SLC6A3: variants seen among roughly 807,000 people sequenced by gnomAD.
The protein encoded by SLC6A3 is sodium-dependent dopamine transporter.
SLC6A3 carries 19 observed loss-of-function variants against 70.4 expected under a neutral mutation model. The ratio of observed to expected loss-of-function variants is 0.27; its 90% CI spans 0.19 to 0.40. The LOEUF is 0.40. SLC6A3 is among the 10% of genes least tolerant of loss of function. The pLI is 1.00. For synonymous variants in SLC6A3, 368 were observed against 356.6 expected, an observed-to-expected ratio of 1.03 and a Z score of -0.36; for missense variants, 613 against 838.5, an observed-to-expected ratio of 0.73 and a Z score of 3.32.
chr5:1,426,498 C>G (rs1756579100), intron 4 of SLC6A3, among the ~76,000 whole-genome samples: 1 of 152,130 alleles, frequency 6.6e-6, no homozygotes, highest in African/African-American at 2.4e-5. Flanking sequence ...CGTGATCATA[C>G]CACTGCACAC....
At chr5:1,414,904 G>A in intron 7 of SLC6A3, 89 bp from the exon 8 acceptor site, 3 of 1,565,646 alleles carry the variant, frequency 1.9e-6, no homozygotes, top group Non-Finnish European at 2.6e-6. Context: ...ACTGTGTCTG[G>A]GGAAGGGGGC....
At position 1,394,675 on chromosome 5, in the gene SLC6A3, G is replaced by T; in HGVS notation, c.*60C>A. On this transcript the variant is annotated 3_prime_UTR_variant, in exon 15 of 15. Coordinates refer to ENST00000270349, the MANE Select transcript of SLC6A3 (RefSeq NM_001044.5). The surrounding 1 kb of genome is among the most constrained non-coding windows in gnomAD (Gnocchi z 4.7). ...TTTCTCTCGAAACTTAGATTTCCTT[G>T]GTTTGTTCGTGTCTCTCCCATTGCA... The T allele has an allele frequency of 6.5e-7, 1 of 1,535,480 alleles. No homozygotes were observed. The highest frequency in any genetic ancestry group is 9.0e-7 in the Non-Finnish European group (1 of 1,108,212).
intron 4 of SLC6A3, among the ~76,000 whole-genome samples, chr5:1,424,487 C>A (rs1756534834): frequency 6.6e-6 from 1 of 152,192 alleles, no homozygotes; most frequent in Admixed American, 6.5e-5. Context: ...GTCACTGACC[C>A]CAGCATGCCA....
In SLC6A3 at chr5:1,436,434, C is replaced by T. The variant is rs865839965; in HGVS notation, c.419-3736G>A. ...GGAGGTGGCAGGCAAAGTCCCTGCT[C>T]GCGTTTCCAGGGAAAACATTCATGA... On this transcript the variant is annotated intron_variant, in intron 3 of 14. Transcript: ENST00000270349. The surrounding 1 kb of genome is among the most constrained non-coding windows in gnomAD (Gnocchi z 5.2). Among the ~76,000 whole-genome samples the T allele has an allele frequency of 4.6e-5, 7 of 152,196 alleles. No homozygotes were observed. Among genetic ancestry groups the T allele is most frequent in the Non-Finnish European group, 8.8e-5 (6 of 68,030 alleles).
chr5:1,406,358 G>C lies in SLC6A3; in HGVS notation c.1499-70C>G. ...TCCCCCGATGCTGGACACGTGTGGG[G>C]GTCCTCGCTGACTCCCAAGGGCCCC... On this transcript the variant is annotated intron_variant, in intron 11 of 14. Transcript: ENST00000270349. This position sits in a 1 kb window ranked among gnomAD's most constrained non-coding sequence, Gnocchi z 8.8. 7.6e-7 allele frequency: 1 copy of C among 1,311,700 alleles called. No individual in the cohort carries two copies. Among genetic ancestry groups the C allele is most frequent in the Non-Finnish European group, 1.1e-6 (1 of 905,746 alleles). The allele number at this position is 1,311,700 out of a possible 1,614,324, so 81.3% of individuals were successfully genotyped here. A position where few individuals can be genotyped will look rare whatever the true frequency, so the allele number is the denominator to read the frequency against.
chr5:1,441,020 G>C (rs1733645520), intron 3 of SLC6A3, among the ~76,000 whole-genome samples: 1 of 152,234 alleles, frequency 6.6e-6, no homozygotes, highest in Admixed American at 6.5e-5. Flanking sequence ...ATAATGGATA[G>C]ATAGATAACA....
At chr5:1,445,188 G>A (rs1733771730) in intron 1 of SLC6A3, among the ~76,000 whole-genome samples, 160 bp downstream of exon 1, 1 of 152,158 alleles carries the variant, frequency 6.6e-6, no homozygotes, top group Admixed American at 6.5e-5. Context: ...ATCGGGGGGC[G>A]CTCGGCACCC....
chr5:1,429,433 C>T (rs2735911), intron 4 of SLC6A3, among the ~76,000 whole-genome samples: 1 of 152,160 alleles, frequency 6.6e-6, no homozygotes, highest in African/African-American at 2.4e-5. Context: ...GGGCTGGGCA[C>T]CTTTCTGTTT....
rs114579144 is a variant in SLC6A3 at position 1,396,208 on chromosome 5, C to T, written c.1840-1450G>A. The stretch of plus-strand genomic sequence containing the variant: ...CCATAGCTGAGCTGTGGTTTGTTCA[C>T]GTGACGGACGGTCAGGGACCAGTCA... On this transcript the variant is annotated intron_variant, in intron 14 of 14. Transcript: ENST00000270349. This position sits in a 1 kb window ranked among gnomAD's most constrained non-coding sequence, Gnocchi z 7.0. Among the ~76,000 whole-genome samples the T allele has an allele frequency of 6.1e-3, 932 of 152,318 alleles. 14 individuals carry two copies. The highest frequency in any genetic ancestry group is 0.02 in the African/African-American group (852 of 41,570).
intron 5 of SLC6A3, among the ~76,000 whole-genome samples, chr5:1,420,964 C>G (rs1030215411): frequency 1.3e-5 from 2 of 152,200 alleles, no homozygotes; most frequent in Admixed American, 1.3e-4. Context: ...TGCATTCGGT[C>G]CGCCAGAGTA....
At position 1,397,267 on chromosome 5, in the gene SLC6A3, G is replaced by A. The variant is rs549671917; in HGVS notation, c.1840-2509C>T. 1.3e-5 allele frequency among the ~76,000 whole-genome samples: 2 copies of A among 152,228 alleles called. No individual in the cohort carries two copies. Among genetic ancestry groups the A allele is most frequent in the African/African-American group, 4.8e-5 (2 of 41,540 alleles). On this transcript the variant is annotated intron_variant, in intron 14 of 14. Coordinates refer to ENST00000270349, the MANE Select transcript of SLC6A3 (RefSeq NM_001044.5). The surrounding 1 kb of genome is among the most constrained non-coding windows in gnomAD (Gnocchi z 4.7). The stretch of plus-strand genomic sequence containing the variant: ...TCTGGCCACAAAACATATCCAGAGA[G>A]GAAAAATAAAAAGAAACCAAATTAA...
intron 4 of SLC6A3, among the ~76,000 whole-genome samples, chr5:1,428,557 T>C (rs1034783048): frequency 2.0e-5 from 3 of 152,200 alleles, no homozygotes; most frequent in Non-Finnish European, 4.4e-5. Flanking sequence ...GTTCCTTTTA[T>C]TTCTCTCCAG....
intron 4 of SLC6A3, among the ~76,000 whole-genome samples, chr5:1,430,353 G>A (rs909955420): frequency 1.3e-5 from 2 of 152,172 alleles, no homozygotes; most frequent in East Asian, 1.9e-4. Context: ...TAAGAAAAAC[G>A]CCGGGTGGCC....
At position 1,438,323 on chromosome 5, in the gene SLC6A3, C is replaced by T. The variant is rs915158222; in HGVS notation, c.418+3036G>A. The stretch of plus-strand genomic sequence containing the variant: ...TCTGGGACTAGTCTTCAGAACGAAG[C>T]TGGCGGCATGGAATGCGGGATTGTG... On this transcript the variant is annotated intron_variant, in intron 3 of 14. Transcript: ENST00000270349. This position sits in a 1 kb window ranked among gnomAD's most constrained non-coding sequence, Gnocchi z 6.5. 3.3e-5 allele frequency among the ~76,000 whole-genome samples: 5 copies of T among 152,250 alleles called. No individual in the cohort carries two copies. The highest frequency in any genetic ancestry group is 1.2e-4 in the African/African-American group (5 of 41,472).
chr5:1,441,710 C>T (rs963831371), intron 2 of SLC6A3, among the ~76,000 whole-genome samples: 7 of 152,118 alleles, frequency 4.6e-5, no homozygotes, highest in Admixed American at 6.5e-5. Context: ...CTTGTCATTG[C>T]GCACCTCGAG....
intron 7 of SLC6A3, 76 bp from the exon 8 acceptor site, chr5:1,414,891 T>C (rs1756245275): frequency 2.5e-6 from 4 of 1,593,390 alleles, no homozygotes; most frequent in Non-Finnish European, 3.4e-6. Flanking sequence ...TTATTCTTAA[T>C]TTACTGTGTC....
Position 1,402,456 on chromosome 5 carries a change from C to A in SLC6A3, c.1767+466G>T, listed in dbSNP as rs1035237721. Among the ~76,000 whole-genome samples, 2 of 152,090 alleles carry A rather than the reference C, an allele frequency of 1.3e-5. No individual in the cohort carries two copies. The highest frequency in any genetic ancestry group is 4.8e-5 in the African/African-American group (2 of 41,398). Reference sequence around the variant, plus strand: ...CTCGGCCCTGGGGGGACCTAGATCACCCCTGATTCTACCGCCCTCAGATGG... The same window carrying A: ...CTCGGCCCTGGGGGGACCTAGATCAACCCTGATTCTACCGCCCTCAGATGG... On this transcript the variant is annotated intron_variant, in intron 13 of 14. Transcript: ENST00000270349. This position sits in a 1 kb window ranked among gnomAD's most constrained non-coding sequence, Gnocchi z 8.5.
intron 3 of SLC6A3, 83 bp from the exon 4 acceptor site, chr5:1,432,781 C>G (rs1756736500): frequency 1.1e-6 from 1 of 911,978 alleles, no homozygotes. Flanking sequence ...CACCTCCCCT[C>G]ACGGGAGACA....
chr5:1,416,924 G>A (rs1756311162), intron 6 of SLC6A3, among the ~76,000 whole-genome samples: 1 of 152,020 alleles, frequency 6.6e-6, no homozygotes, highest in African/African-American at 2.4e-5. Flanking sequence ...CTGCATAATG[G>A]TGGCACCCTG....
Sources: gnomAD v4.1 joint callset for allele counts (sites outside exome capture counted in the v4.1 genomes callset) on GRCh38, gnomAD v4.1.1 for gene constraint, Gnocchi (gnomAD v3.1) non-coding constraint, MANE v1.5 for transcripts, NCBI Gene and HGNC (gene_info 2026-07-23, HGNC 2026-07-21) for gene names.